The following MACROD2 variants were observed in gnomAD, a reference collection of about 807,000 sequenced individuals.
MACROD2 encodes ADP-ribose glycohydrolase MACROD2.
MACROD2 carries 36 observed loss-of-function variants against 70.4 expected under a neutral mutation model. The observed-to-expected ratio is 0.51, with a 90% confidence interval of 0.39 to 0.68. The LOEUF (loss-of-function observed/expected upper bound fraction) is 0.68. Ranked by LOEUF, MACROD2 falls within the 30% of genes least tolerant of loss-of-function variation. MACROD2 has a pLI of 0.00. For missense variants in MACROD2, 496 were observed against 538.4 expected, an observed-to-expected ratio of 0.92 and a Z score of 0.78; for synonymous variants, 172 against 178.8, an observed-to-expected ratio of 0.96 and a Z score of 0.30.
chr20:15,479,142 C>T (rs1018686742), intron 7 of MACROD2, among the ~76,000 whole-genome samples: 25 of 152,174 alleles, frequency 1.6e-4, no homozygotes, highest in African/African-American at 6.0e-4. Context: ...TGAAGGATGG[C>T]CTTCTCTTGA....
At chr20:14,030,460 G>A (rs922055839) in intron 2 of MACROD2, among the ~76,000 whole-genome samples, 3 of 151,846 alleles carry the variant, frequency 2.0e-5, no homozygotes, top group Non-Finnish European at 4.4e-5. Context: ...CCAGGCTGAC[G>A]TGCAGTGGCG....
intron 8 of MACROD2, among the ~76,000 whole-genome samples, chr20:15,819,403 T>TTA (rs759927949): frequency 7.1e-6 from 1 of 141,354 alleles, no homozygotes; most frequent in Non-Finnish European, 1.5e-5. Flanking sequence ...TATAAAATAT[T>TTA]TATATATATT....
intron 8 of MACROD2, among the ~76,000 whole-genome samples, chr20:15,760,503 A>C (rs2051419902): frequency 6.6e-6 from 1 of 152,140 alleles, no homozygotes; most frequent in East Asian, 1.9e-4. Flanking sequence ...TCTGGATCTC[A>C]TCTTGGTCAT....
chr20:15,112,854 T>G (rs554684357), intron 5 of MACROD2, among the ~76,000 whole-genome samples: 14 of 152,320 alleles, frequency 9.2e-5, no homozygotes, highest in South Asian at 8.3e-4. Flanking sequence ...TGAATTTAAC[T>G]GTTCTAGGTA....
intron 5 of MACROD2, among the ~76,000 whole-genome samples, chr20:14,984,281 C>A (rs1176901148): frequency 1.3e-5 from 2 of 152,012 alleles, no homozygotes; most frequent in East Asian, 3.9e-4. Context: ...TTAAGATGGC[C>A]CCTGGGATGT....
intron 5 of MACROD2, among the ~76,000 whole-genome samples, chr20:14,978,860 T>C (rs1203635356): frequency 7.6e-6 from 1 of 131,748 alleles, no homozygotes; most frequent in Non-Finnish European, 1.6e-5. Flanking sequence ...TATATATATA[T>C]ATAATATATT....
intron 5 of MACROD2, among the ~76,000 whole-genome samples, chr20:15,018,533 A>G (rs1470347207): frequency 1.3e-5 from 2 of 152,040 alleles, no homozygotes; most frequent in Non-Finnish European, 2.9e-5. Context: ...GCAGCACCCC[A>G]CTGTACGGGT....
At chr20:14,635,623 A>G (rs1244956883) in intron 4 of MACROD2, among the ~76,000 whole-genome samples, 1 of 152,186 alleles carries the variant, frequency 6.6e-6, no homozygotes, top group African/African-American at 2.4e-5. Flanking sequence ...TGCCTGATGT[A>G]TTTGTCATTT....
At chr20:14,978,900 A>T (rs1226744973) in intron 5 of MACROD2, among the ~76,000 whole-genome samples, 1 of 4,712 alleles carries the variant, frequency 2.1e-4, no homozygotes, top group African/African-American at 2.9e-4. Flanking sequence ...TATATTATAT[A>T]ATATATTATA....
intron 8 of MACROD2, among the ~76,000 whole-genome samples, chr20:15,627,619 A>G (rs961075488): frequency 3.3e-5 from 5 of 152,110 alleles, no homozygotes; most frequent in African/African-American, 1.2e-4. Context: ...GGGTGGGGCA[A>G]CAGAAGCAAG....
intron 4 of MACROD2, among the ~76,000 whole-genome samples, chr20:14,619,457 AGGGG>A: frequency 2.4e-5 from 1 of 42,290 alleles, no homozygotes; most frequent in Non-Finnish European, 4.4e-5. Context: ...AAGGGAAGGG[AGGGG>A]AGGAAGGAAG....
intron 5 of MACROD2, among the ~76,000 whole-genome samples, chr20:14,714,696 TC>T (rs2071377580): frequency 6.6e-6 from 1 of 152,096 alleles, no homozygotes; most frequent in Non-Finnish European, 1.5e-5. Context: ...TTCTCTTCTT[TC>T]CCCTCATTGT....
chr20:14,732,353 G>A (rs2071609223), intron 5 of MACROD2, among the ~76,000 whole-genome samples: 1 of 151,962 alleles, frequency 6.6e-6, no homozygotes, highest in African/African-American at 2.4e-5. Flanking sequence ...CTTTCTTTGT[G>A]GTAAATTAGA....
chr20:14,908,081 C>A (rs143821522), intron 5 of MACROD2, among the ~76,000 whole-genome samples: 1 of 152,142 alleles, frequency 6.6e-6, no homozygotes, highest in Non-Finnish European at 1.5e-5. Context: ...CGGTGGCTCA[C>A]GCCTGTAATC....
intron 8 of MACROD2, among the ~76,000 whole-genome samples, chr20:15,677,517 G>T (rs2146849563): frequency 6.6e-6 from 1 of 152,228 alleles, no homozygotes; most frequent in Non-Finnish European, 1.5e-5. Context: ...GCTCTCCCAG[G>T]CAGAGCCTTT....
intron 6 of MACROD2, among the ~76,000 whole-genome samples, chr20:15,235,968 C>A (rs1037798233): frequency 5.9e-5 from 9 of 152,074 alleles, no homozygotes; most frequent in African/African-American, 2.2e-4. Context: ...AGGGTAATAC[C>A]AAGTCTCTAT....
chr20:14,088,834 G>A (rs543145414), intron 3 of MACROD2, among the ~76,000 whole-genome samples: 9 of 152,228 alleles, frequency 5.9e-5, no homozygotes, highest in Admixed American at 3.3e-4. Context: ...GATTGAATTT[G>A]TAGATCTCTG....
intron 4 of MACROD2, chr20:14,493,730 T>C: frequency 2.6e-6 from 1 of 389,732 alleles, no homozygotes; most frequent in Non-Finnish European, 4.8e-6. Context: ...TTGTCAAACT[T>C]TGTATTTCTG....
chr20:15,630,332 T>C (rs1024278644), intron 8 of MACROD2, among the ~76,000 whole-genome samples: 2 of 152,232 alleles, frequency 1.3e-5, no homozygotes, highest in African/African-American at 2.4e-5. Flanking sequence ...GTAGTTTAAC[T>C]TTCCTTGGGC....
Sources: gnomAD v4.1 joint callset for allele counts (sites outside exome capture counted in the v4.1 genomes callset) on GRCh38, gnomAD v4.1.1 for gene constraint, MANE v1.5 for transcripts, NCBI Gene and HGNC (gene_info 2026-07-23, HGNC 2026-07-21) for gene names.